The following LDHB variants were observed in gnomAD, a reference collection of about 807,000 sequenced individuals.
The protein encoded by LDHB is L-lactate dehydrogenase B chain.
In LDHB, 18 loss-of-function variants were observed where a neutral mutation model predicts 33.4. The observed-to-expected ratio is 0.54, with a 90% confidence interval of 0.37 to 0.80. The LOEUF (loss-of-function observed/expected upper bound fraction) is 0.80, where lower values mean the gene tolerates loss of function less well. Ranked by LOEUF, LDHB falls within the 30% of genes least tolerant of loss-of-function variation. The pLI, the probability that LDHB is intolerant of heterozygous loss-of-function variation, is 0.00. For synonymous variants in LDHB, 121 were observed against 140.6 expected, an observed-to-expected ratio of 0.86 and a Z score of 0.98; for missense variants, 345 against 407.9, an observed-to-expected ratio of 0.85 and a Z score of 1.33.
intron 3 of LDHB, among the ~76,000 whole-genome samples, chr12:21,646,165 G>A (rs1420106577): frequency 1.3e-5 from 2 of 152,176 alleles, no homozygotes; most frequent in South Asian, 2.1e-4. Context: ...ACAGACTGAG[G>A]GAGGAGAGGA....
intron 4 of LDHB, 174 bp downstream of exon 4, chr12:21,643,759 TGG>T: frequency 1.7e-6 from 1 of 585,578 alleles, no homozygotes; most frequent in Admixed American, 3.1e-5. Flanking sequence ...TTTGAACATC[TGG>T]CCTGGGACAG....
chr12:21,644,473 T>C (rs1201825010), intron 3 of LDHB, among the ~76,000 whole-genome samples: 3 of 140,218 alleles, frequency 2.1e-5, no homozygotes, highest in Non-Finnish European at 3.1e-5. Flanking sequence ...TTTAAGTTAC[T>C]TTTATCTTAA....
Position 21,644,443 on chromosome 12 carries a change from AAAC to A in LDHB, c.248-338_248-336del, listed in dbSNP as rs1441595899. On this transcript the variant is annotated intron_variant, in intron 3 of 7. Coordinates refer to ENST00000350669, the MANE Select transcript of LDHB (RefSeq NM_002300.8). ...AGACATCAAAAAAAAAAAAAAAAAA[AAAC>A]AAAAACAAAAACCAATTTTAAGTTA... Among the ~76,000 whole-genome samples, 214 of 146,602 alleles carry A rather than the reference AAAC, an allele frequency of 1.5e-3. 4 individuals are homozygous for A. Among genetic ancestry groups the A allele is most frequent in the African/African-American group, 5.0e-3 (200 of 39,958 alleles).
At chr12:21,642,304 C>CAA in intron 4 of LDHB, among the ~76,000 whole-genome samples, 179 bp from the exon 5 acceptor site, 1 of 152,042 alleles carries the variant, frequency 6.6e-6, no homozygotes, top group East Asian at 1.9e-4. Context: ...ATGACAGTGA[C>CAA]AAAAACAAAC....
Position 21,635,501 on chromosome 12 carries a change from A to C in LDHB, c.*41T>G, listed in dbSNP as rs915164039. Reference sequence around the variant, plus strand: ...TGAAAACTAAAGGCTCGAGTTAATCACATTGTAGTTTTTAAATTTCTACAG... The same window carrying C: ...TGAAAACTAAAGGCTCGAGTTAATCCCATTGTAGTTTTTAAATTTCTACAG... On this transcript the variant is annotated 3_prime_UTR_variant, in exon 8 of 8. Coordinates refer to ENST00000350669, the MANE Select transcript of LDHB (RefSeq NM_002300.8). 1.5e-5 allele frequency: 22 copies of C among 1,514,222 alleles called. No homozygotes were observed. Among genetic ancestry groups the C allele is most frequent in the Non-Finnish European group, 1.9e-5 (21 of 1,090,952 alleles). The allele number at this position is 1,514,222 out of a possible 1,614,324, so 93.8% of individuals were successfully genotyped here.
Position 21,635,427 on chromosome 12 carries a change from AT to A in LDHB, c.*114del. Reference sequence around the variant, plus strand: ...ATAGGCTTTGATTCTGTGAGCCCAAATTCACATATTGAAGAAGATCAAAGCA... The same window carrying A: ...ATAGGCTTTGATTCTGTGAGCCCAAATCACATATTGAAGAAGATCAAAGCA... On this transcript the variant is annotated 3_prime_UTR_variant, in exon 8 of 8. Coordinates refer to ENST00000350669, the MANE Select transcript of LDHB (RefSeq NM_002300.8). 1 of 873,854 alleles carries A rather than the reference AT, an allele frequency of 1.1e-6. No individual in the cohort carries two copies. The highest frequency in any genetic ancestry group is 1.9e-6 in the Non-Finnish European group (1 of 516,752). The allele number at this position is 873,854 out of a possible 1,614,324, so 54.1% of individuals were successfully genotyped here.
intron 4 of LDHB, among the ~76,000 whole-genome samples, chr12:21,643,150 A>G (rs1486304505): frequency 6.6e-6 from 1 of 152,174 alleles, no homozygotes; most frequent in African/African-American, 2.4e-5. Flanking sequence ...CTGGCTCTCA[A>G]CTCTCAATAC....
At chr12:21,656,028 C>T (rs1455395530) in intron 1 of LDHB, among the ~76,000 whole-genome samples, 2 of 152,050 alleles carry the variant, frequency 1.3e-5, no homozygotes, top group Non-Finnish European at 2.9e-5. Context: ...CTTTTTATGT[C>T]GCATCTGAGG....
intron 7 of LDHB, among the ~76,000 whole-genome samples, chr12:21,636,819 T>C (rs1316110122): frequency 4.6e-5 from 7 of 152,090 alleles, no homozygotes; most frequent in African/African-American, 1.4e-4. Context: ...TGTGCTAAGA[T>C]TCAGAGTTAA....
chr12:21,635,434 T>C lies in LDHB; in HGVS notation c.*108A>G. The C allele has an allele frequency of 1.1e-6, 1 of 907,578 alleles. No homozygotes were observed. The highest frequency in any genetic ancestry group is 1.8e-6 in the Non-Finnish European group (1 of 544,380). The allele number at this position is 907,578 out of a possible 1,614,324, so 56.2% of individuals were successfully genotyped here. A position where few individuals can be genotyped will look rare whatever the true frequency, so the allele number is the denominator to read the frequency against. On this transcript the variant is annotated 3_prime_UTR_variant, in exon 8 of 8. Transcript: ENST00000350669. ...TTGATTCTGTGAGCCCAAATTCACA[T>C]ATTGAAGAAGATCAAAGCAAACTGT...
In LDHB at chr12:21,635,750, G is replaced by GT. The variant is rs560586049; in HGVS notation, c.838-42dup. The GT allele has an allele frequency of 2.5e-5, 40 of 1,590,362 alleles. No homozygotes were observed. In the African/African-American group the frequency reaches 5.1e-4, roughly 20 times the overall value. The stretch of plus-strand genomic sequence containing the variant: ...AGCATCGAGATTAAGACATGAAACT[G>GT]TAAGTAAAAATGATCAAAGACAGGA... On this transcript the variant is annotated intron_variant, in intron 7 of 7. Transcript: ENST00000350669.
chr12:21,641,944 T>TTC lies in LDHB; in HGVS notation c.595+6_595+7dup. On this transcript the variant is annotated splice_region_variant and intron_variant, in intron 5 of 7. Transcript: ENST00000350669. ...TCACAAGTAATTATTTCTTTTTTTT[T>TTC]TCTTTACCACTTGAGTCGCCATGTT... The TTC allele has an allele frequency of 6.2e-7, 1 of 1,604,888 alleles. No individual in the cohort carries two copies. The highest frequency in any genetic ancestry group is 8.5e-7 in the Non-Finnish European group (1 of 1,176,326).
At chr12:21,643,778 T>C (rs1292202272) in intron 4 of LDHB, 157 bp downstream of exon 4, 1 of 638,250 alleles carries the variant, frequency 1.6e-6, no homozygotes, top group Non-Finnish European at 2.8e-6. Flanking sequence ...ACAGAGGCAT[T>C]TGTTTTGCAA....
chr12:21,650,233 G>A (rs1203647265), intron 2 of LDHB, among the ~76,000 whole-genome samples: 4 of 151,622 alleles, frequency 2.6e-5, no homozygotes, highest in African/African-American at 9.7e-5. Flanking sequence ...TAACTAAATG[G>A]ATATGTGCCA....
Position 21,638,371 on chromosome 12 carries a change from T to C in LDHB, c.695A>G (p.His232Arg). 6.3e-7 allele frequency: 1 copy of C among 1,595,388 alleles called. No individual in the cohort carries two copies. Among genetic ancestry groups the C allele is most frequent in the Non-Finnish European group, 8.6e-7 (1 of 1,163,390 alleles). The change falls in exon 6 of 8, where the codon CAT becomes CGT. Residue 232 changes from histidine (H) to arginine (R), a missense_variant. Physicochemically the swap from His to Arg is conservative, Grantham distance 29. Transcript: ENST00000350669. Reference sequence around the variant, plus strand: ...CACTTACCTTTCAACCACCATCTTATGCACTTCCTTCCAATTTTCACTATC... The same window carrying C: ...CACTTACCTTTCAACCACCATCTTACGCACTTCCTTCCAATTTTCACTATC... ...DNDSENWKEV[H>R]KMVVESAYEV... is the part of the protein sequence containing the mutation.
chr12:21,642,198 T>A, intron 4 of LDHB, 73 bp from the exon 5 acceptor site: 1 of 1,060,140 alleles, frequency 9.4e-7, no homozygotes, highest in Non-Finnish European at 1.5e-6. Flanking sequence ...TGGGGTGCCC[T>A]GGCTTCCCTT....
At chr12:21,646,755 T>G (rs1938537364) in intron 3 of LDHB, 144 bp downstream of exon 3, 1 of 648,166 alleles carries the variant, frequency 1.5e-6, no homozygotes, top group Non-Finnish European at 2.8e-6. Context: ...ATAAATATCT[T>G]ATTAACAGTT....
At chr12:21,650,805 C>T (rs1180460393) in intron 2 of LDHB, among the ~76,000 whole-genome samples, 1 of 152,138 alleles carries the variant, frequency 6.6e-6, no homozygotes, top group African/African-American at 2.4e-5. Context: ...CTCAGGTATA[C>T]AGTTACGATA....
intron 3 of LDHB, among the ~76,000 whole-genome samples, chr12:21,644,446 C>CA (rs374761135): frequency 5.5e-5 from 6 of 108,840 alleles, no homozygotes; most frequent in Non-Finnish European, 7.4e-5. Context: ...AAAAAAAAAA[C>CA]AAAAACAAAA....
Sources: gnomAD v4.1 joint callset for allele counts (sites outside exome capture counted in the v4.1 genomes callset) on GRCh38, gnomAD v4.1.1 for gene constraint, MANE v1.5 for transcripts, NCBI Gene and HGNC (gene_info 2026-07-23, HGNC 2026-07-21) for gene names.